Variants in NAA16 observed in about 807,000 individuals in gnomAD.
The protein encoded by NAA16 is N-alpha-acetyltransferase 16, NatA auxiliary subunit.
Under a neutral mutation model 110.3 loss-of-function variants are expected in NAA16, and 97 were observed. The ratio of observed to expected loss-of-function variants is 0.88; its 90% CI spans 0.75 to 1.04. The LOEUF is 1.04. Ranked by LOEUF, NAA16 falls within the 50% of genes least tolerant of loss-of-function variation. NAA16 has a pLI of 0.00. For missense variants in NAA16, 1,017 were observed against 1,005.1 expected (o/e 1.01, Z -0.16); for synonymous variants, 372 against 330.6 (o/e 1.13, Z -1.36).
intron 9 of NAA16, among the ~76,000 whole-genome samples, chr13:41,344,530 G>T (rs1289408524): frequency 1.3e-5 from 2 of 152,218 alleles, no homozygotes; most frequent in African/African-American, 4.8e-5. Context: ...CTGGCATCCA[G>T]TGTGTGGAGG....
intron 9 of NAA16, among the ~76,000 whole-genome samples, chr13:41,350,444 C>T (rs1342137188): frequency 6.6e-6 from 1 of 151,820 alleles, no homozygotes; most frequent in Non-Finnish European, 1.5e-5. Flanking sequence ...CAGGCGCCCG[C>T]CACCATACCT....
chr13:41,374,080 AAAGG>A (rs2043379245), intron 18 of NAA16, among the ~76,000 whole-genome samples: 1 of 152,084 alleles, frequency 6.6e-6, no homozygotes, highest in African/African-American at 2.4e-5. Context: ...AAAAAGGCTG[AAAGG>A]AAGTGTCTAC....
intron 6 of NAA16, among the ~76,000 whole-genome samples, chr13:41,327,318 A>G (rs1479540798): frequency 2.0e-5 from 3 of 152,106 alleles, no homozygotes; most frequent in South Asian, 2.1e-4. Context: ...AAAAAAGGCA[A>G]TTATTTTCCT....
intron 12 of NAA16, among the ~76,000 whole-genome samples, chr13:41,360,695 G>A (rs529323230): frequency 6.6e-6 from 1 of 152,274 alleles, no homozygotes; most frequent in South Asian, 2.1e-4. Flanking sequence ...TAATGAGGCA[G>A]GGGAAGAAAA....
At chr13:41,344,074 T>C (rs7988067) in intron 9 of NAA16, among the ~76,000 whole-genome samples, 144,283 of 152,318 alleles carry the variant, frequency 0.95, 68,407 homozygotes, top group South Asian at 0.99. Context: ...CATTGTTTGG[T>C]TTTTCAAGTT....
At chr13:41,317,711 G>A (rs573482507) in intron 2 of NAA16, among the ~76,000 whole-genome samples, 160 of 152,304 alleles carry the variant, frequency 1.1e-3, no homozygotes, top group Non-Finnish European at 1.9e-3. Flanking sequence ...TTTAGCTGTG[G>A]AAGCTTTATC....
At chr13:41,359,674 CG>C (rs2043071407) in intron 12 of NAA16, among the ~76,000 whole-genome samples, 1 of 152,036 alleles carries the variant, frequency 6.6e-6, no homozygotes, top group Non-Finnish European at 1.5e-5. Flanking sequence ...TCACTGTACA[CG>C]AATCAGTTCC....
chr13:41,347,733 T>TAG (rs146736631), intron 9 of NAA16, among the ~76,000 whole-genome samples: 1 of 152,368 alleles, frequency 6.6e-6, no homozygotes, highest in East Asian at 1.9e-4. Flanking sequence ...TTCGTTGCTA[T>TAG]AGATGTTTTA....
At position 41,363,662 on chromosome 13, in the gene NAA16, G is replaced by A. The variant is rs897294530; in HGVS notation, c.1539+1503G>A. ...CAGAAAATCTACTGACATAGTTCAA[G>A]AAATTAATTGGTAAAAAGCATTTTT... is the stretch of plus-strand genomic sequence containing the variant. On this transcript the variant is annotated intron_variant, in intron 13 of 19. Transcript: ENST00000379406. Among the ~76,000 whole-genome samples, 13 of 152,110 alleles carry A rather than the reference G, an allele frequency of 8.5e-5. 1 individual carries two copies. The highest frequency in any genetic ancestry group is 3.1e-4 in the African/African-American group (13 of 41,442).
At chr13:41,373,950 C>A in intron 18 of NAA16, 170 bp downstream of exon 18, 1 of 1,089,942 alleles carries the variant, frequency 9.2e-7, no homozygotes, top group Non-Finnish European at 1.2e-6. Flanking sequence ...GGGATGGATT[C>A]ACAGGATGTA....
At position 41,311,344 on chromosome 13, in the gene NAA16, T is replaced by C; in HGVS notation, c.-185T>C. On this transcript the variant is annotated 5_prime_UTR_variant, in exon 1 of 20. Transcript: ENST00000379406. ...GGAAGCGTGTCCTGCTCAGACCGCC[T>C]TCCTTCTCCATTGCCACCCGTGCCG... is the stretch of plus-strand genomic sequence containing the variant. 1 of 606,332 alleles carries C rather than the reference T, an allele frequency of 1.6e-6. No individual in the cohort carries two copies. The allele number at this position is 606,332 out of a possible 1,614,324, so 37.6% of individuals were successfully genotyped here. A position where few individuals can be genotyped will look rare whatever the true frequency, so the allele number is the denominator to read the frequency against.
intron 15 of NAA16, among the ~76,000 whole-genome samples, chr13:41,371,505 A>T (rs1007001183): frequency 2.0e-5 from 3 of 152,280 alleles, no homozygotes; most frequent in Non-Finnish European, 4.4e-5. Context: ...TTCACCCTTC[A>T]GCCTACCCAA....
chr13:41,329,283 C>G (rs1171416961), intron 7 of NAA16, among the ~76,000 whole-genome samples: 12 of 151,952 alleles, frequency 7.9e-5, no homozygotes, highest in Admixed American at 7.9e-4. Context: ...GCTTTGATTT[C>G]AAACTAGGCT....
intron 10 of NAA16, among the ~76,000 whole-genome samples, chr13:41,356,263 GC>G (rs2042981944): frequency 6.6e-6 from 1 of 152,152 alleles, no homozygotes; most frequent in South Asian, 2.1e-4. Context: ...CTGAGCTCTA[GC>G]AATCTGCCTG....
At chr13:41,339,672 C>T (rs1429481014) in intron 9 of NAA16, among the ~76,000 whole-genome samples, 1 of 152,138 alleles carries the variant, frequency 6.6e-6, no homozygotes, top group African/African-American at 2.4e-5. Flanking sequence ...ATTCTCCTGC[C>T]TCAGTCTCCC....
rs1267019288 is a variant in NAA16, at chr13:41,333,392, C to G, written c.907+2023C>G. Among the ~76,000 whole-genome samples, 3 of 152,004 alleles carry G rather than the reference C, an allele frequency of 2.0e-5. No individual in the cohort carries two copies. In the East Asian group the frequency reaches 5.8e-4, roughly 29 times the overall value. On this transcript the variant is annotated intron_variant, in intron 8 of 19. Transcript: ENST00000379406. The stretch of plus-strand genomic sequence containing the variant: ...CTGCTTTCAGAAATTTTTCATGACC[C>G]CAAAAAGAAACCCCATACCTATTTC...
At chr13:41,330,844 CTG>C (rs1209977893) in intron 7 of NAA16, among the ~76,000 whole-genome samples, 1 of 152,050 alleles carries the variant, frequency 6.6e-6, no homozygotes, top group African/African-American at 2.4e-5. Flanking sequence ...AATCCTAAAA[CTG>C]TTGCTCCTTT....
rs1466910140 is a variant in NAA16, at chr13:41,374,777, C to G, written c.2335C>G (p.Gln779Glu). 6.2e-7 allele frequency: 1 copy of G among 1,612,612 alleles called. No homozygotes were observed. ...GATGTATTTTCTGGACAAGTCAAGG[C>G]AGGAGAAAGCAATTGCTATAGCCAC... ...KMMYFLDKSR[Q>E]EKAIAIATRL... is the part of the protein sequence containing the mutation. Residue 779 changes from glutamine (Q) to glutamate (E), a missense_variant, in exon 19 of 20, where the codon CAG becomes GAG. Coordinates refer to ENST00000379406, the MANE Select transcript of NAA16 (RefSeq NM_024561.5).
intron 1 of NAA16, among the ~76,000 whole-genome samples, chr13:41,316,248 G>C (rs2041805879): frequency 6.6e-6 from 1 of 151,880 alleles, no homozygotes; most frequent in African/African-American, 2.4e-5. Context: ...TCCTGCCTCA[G>C]CCACCCAAGT....
Sources: gnomAD v4.1 joint callset for allele counts (sites outside exome capture counted in the v4.1 genomes callset) on GRCh38, gnomAD v4.1.1 for gene constraint, MANE v1.5 for transcripts, NCBI Gene and HGNC (gene_info 2026-07-23, HGNC 2026-07-21) for gene names.